Variants in RPP14 observed in about 807,000 individuals in gnomAD.
The protein encoded by RPP14 is ribonuclease P protein subunit p14.
RPP14 carries 19 observed loss-of-function variants against 17.8 expected under a neutral mutation model. The observed-to-expected ratio is 1.07, with a 90% CI of 0.74 to 1.57. RPP14 has a LOEUF of 1.57. Among genes scored for constraint, RPP14 ranks in the 40% most tolerant of loss-of-function variants. The pLI is 0.00. For missense variants in RPP14, 125 were observed against 140.8 expected, an observed-to-expected ratio of 0.89 and a Z score of 0.57; for synonymous variants, 60 against 56.4, an observed-to-expected ratio of 1.06 and a Z score of -0.29.
At position 58,317,939 on chromosome 3, in the gene RPP14, C is replaced by T. The variant is rs1404157535; in HGVS notation, c.*443C>T. ...CCAGGGCCAGGCTGTGTATTTCTTTCCCAGGAAATTAGCTTTCCAGCCCCT... is the reference window on the plus strand; with the variant it reads ...CCAGGGCCAGGCTGTGTATTTCTTTTCCAGGAAATTAGCTTTCCAGCCCCT... On this transcript the variant is annotated 3_prime_UTR_variant, in exon 6 of 6. Transcript: ENST00000295959. The T allele has an allele frequency of 1.4e-6, 1 of 702,776 alleles. No individual in the cohort carries two copies. The highest frequency in any genetic ancestry group is 1.5e-5 in the South Asian group (1 of 67,560). The allele number at this position is 702,776 out of a possible 1,614,324, so 43.5% of individuals were successfully genotyped here.
chr3:58,319,097 A>G lies in RPP14; in HGVS notation c.*1601A>G, dbSNP rs1242787428. The stretch of plus-strand genomic sequence containing the variant: ...CCATGTGGAAGCAGCTTGTCACTGT[A>G]TTTTAACTGTGTAACAATTATTGAA... On this transcript the variant is annotated 3_prime_UTR_variant, in exon 6 of 6. Transcript: ENST00000295959. The G allele has an allele frequency of 1.3e-5, 2 of 152,222 alleles. No homozygotes were observed. The highest frequency in any genetic ancestry group is 2.9e-5 in the Non-Finnish European group (2 of 68,048). 9.4% of individuals were successfully genotyped at this position (152,222 alleles called of 1,614,324 possible).
At chr3:58,312,332 G>GCACC (rs2097483111) in intron 3 of RPP14, among the ~76,000 whole-genome samples, 1 of 85,328 alleles carries the variant, frequency 1.2e-5, no homozygotes, top group Non-Finnish European at 2.4e-5. Flanking sequence ...CACAACCTCC[G>GCACC]CACCCCCCCC....
rs2097491364 is a variant in RPP14 at position 58,318,863 on chromosome 3, GT to G, written c.*1368del. 1 of 152,042 alleles carries G rather than the reference GT, an allele frequency of 6.6e-6. No individual in the cohort carries two copies. Among genetic ancestry groups the G allele is most frequent in the African/African-American group, 2.4e-5 (1 of 41,350 alleles). The allele number at this position is 152,042 out of a possible 1,614,324, so 9.4% of individuals were successfully genotyped here. A position where few individuals can be genotyped will look rare whatever the true frequency, so the allele number is the denominator to read the frequency against. ...AAAATACAAAAACTAACCGGGCATG[GT>G]GGCGGGCACCTGTAATCCCAGCTAC... On this transcript the variant is annotated 3_prime_UTR_variant, in exon 6 of 6. Coordinates refer to ENST00000295959, the MANE Select transcript of RPP14 (RefSeq NM_007042.6).
chr3:58,317,043 A>G (rs749867738), intron 5 of RPP14, 50 bp downstream of exon 5: 11 of 1,309,524 alleles, frequency 8.4e-6, no homozygotes, highest in East Asian at 4.6e-5. Context: ...TGATGGGTCA[A>G]CTGCTTCTTA....
intron 4 of RPP14, 47 bp downstream of exon 4, chr3:58,316,638 C>G (rs757797595): frequency 4.7e-6 from 7 of 1,494,262 alleles, no homozygotes; most frequent in East Asian, 2.3e-5. Flanking sequence ...GCAGAGAGAC[C>G]GATGGAGCAA....
chr3:58,317,365 T>A, intron 5 of RPP14, 75 bp from the exon 6 acceptor site: 1 of 947,016 alleles, frequency 1.1e-6, no homozygotes, highest in Non-Finnish European at 1.7e-6. Context: ...CCTGTAAAAC[T>A]GGGCATGTTT....
chr3:58,311,403 C>T (rs946391488), intron 3 of RPP14, among the ~76,000 whole-genome samples: 2 of 152,172 alleles, frequency 1.3e-5, no homozygotes. Flanking sequence ...GATCCACGCG[C>T]CTTGGGCTCC....
chr3:58,310,629 C>A lies in RPP14; in HGVS notation c.162+38C>A, dbSNP rs778610925. 7.7e-6 allele frequency: 12 copies of A among 1,550,694 alleles called. No individual in the cohort carries two copies. In the South Asian group the frequency reaches 1.4e-4, roughly 18 times the overall value. On this transcript the variant is annotated intron_variant, in intron 3 of 5. Coordinates refer to ENST00000295959, the MANE Select transcript of RPP14 (RefSeq NM_007042.6). ...TTGGTAGATTGAACATTCCAAAGATCTTTGTAAGAAATACAGAAAGAGGCC... is the reference window on the plus strand; with the variant it reads ...TTGGTAGATTGAACATTCCAAAGATATTTGTAAGAAATACAGAAAGAGGCC...
chr3:58,310,476 A>T (rs750289223), intron 2 of RPP14, 31 bp from the exon 3 acceptor site: 46 of 1,587,926 alleles, frequency 2.9e-5, no homozygotes, highest in Admixed American at 5.3e-5. Flanking sequence ...ATGAAATTTA[A>T]TATGACTTTT....
Position 58,309,864 on chromosome 3 carries a change from C to CAA in RPP14, c.-21-445_-21-444insAA, listed in dbSNP as rs1380146989. Among the ~76,000 whole-genome samples, 177 of 152,036 alleles carry CAA rather than the reference C, an allele frequency of 1.2e-3. 1 individual carries two copies. The highest frequency in any genetic ancestry group is 9.1e-3 in the Admixed American group (139 of 15,276). ...CCAAGATTGTGCCACTGCACTCCAG[C>CAA]CTGGGCGACAGAGCAAGACTCCTTC... On this transcript the variant is annotated intron_variant, in intron 1 of 5. Coordinates refer to ENST00000295959, the MANE Select transcript of RPP14 (RefSeq NM_007042.6).
chr3:58,316,167 A>C (rs2097488095), intron 3 of RPP14, among the ~76,000 whole-genome samples: 1 of 152,232 alleles, frequency 6.6e-6, no homozygotes, highest in Non-Finnish European at 1.5e-5. Context: ...TAGTAGGAAA[A>C]CATGTTGGAC....
In RPP14 at chr3:58,317,623, C is replaced by T; in HGVS notation, c.*127C>T. 1.3e-6 allele frequency: 1 copy of T among 752,466 alleles called. No individual in the cohort carries two copies. Among genetic ancestry groups the T allele is most frequent in the Non-Finnish European group, 2.3e-6 (1 of 427,258 alleles). 46.6% of individuals were successfully genotyped at this position (752,466 alleles called of 1,614,324 possible). On this transcript the variant is annotated 3_prime_UTR_variant, in exon 6 of 6. Transcript: ENST00000295959. Reference sequence around the variant, plus strand: ...TTTGAGGGTGCTGAAGATGTTCCCACTAATTTCCAGCCATCACCTTTGGTG... The same window carrying T: ...TTTGAGGGTGCTGAAGATGTTCCCATTAATTTCCAGCCATCACCTTTGGTG...
Position 58,318,277 on chromosome 3 carries a change from C to A in RPP14, c.*781C>A, listed in dbSNP as rs1330815361. On this transcript the variant is annotated 3_prime_UTR_variant, in exon 6 of 6. Coordinates refer to ENST00000295959, the MANE Select transcript of RPP14 (RefSeq NM_007042.6). ...AGAGGGTTGTTCAAATGCCCACTTTCCAGTTTGGCCTTATGCTTCATGCAG... is the reference window on the plus strand; with the variant it reads ...AGAGGGTTGTTCAAATGCCCACTTTACAGTTTGGCCTTATGCTTCATGCAG... 3.6e-6 allele frequency: 2 copies of A among 550,886 alleles called. No individual in the cohort carries two copies. The highest frequency in any genetic ancestry group is 7.2e-5 in the Admixed American group (2 of 27,832). 34.1% of individuals were successfully genotyped at this position (550,886 alleles called of 1,614,324 possible).
intron 3 of RPP14, 64 bp downstream of exon 3, chr3:58,310,655 G>A (rs933292525): frequency 2.9e-5 from 41 of 1,414,736 alleles, no homozygotes; most frequent in East Asian, 1.1e-4. Flanking sequence ...GAAAGAGGCC[G>A]GGCGCGGTAG....
At chr3:58,309,785 G>A (rs536539410) in intron 1 of RPP14, among the ~76,000 whole-genome samples, 2 of 152,102 alleles carry the variant, frequency 1.3e-5, no homozygotes, top group South Asian at 4.1e-4. Flanking sequence ...CCAGCTACTC[G>A]GGAGGCTGAG....
chr3:58,316,641 TG>T, intron 4 of RPP14, 50 bp downstream of exon 4: 1 of 1,489,216 alleles, frequency 6.7e-7, no homozygotes, highest in South Asian at 1.1e-5. Context: ...GAGAGACCGA[TG>T]GAGCAAAAAT....
Position 58,319,112 on chromosome 3 carries a change from C to G in RPP14, c.*1616C>G, listed in dbSNP as rs866692181. ...TTGTCACTGTATTTTAACTGTGTAA[C>G]AATTATTGAAGGCGAAAATAGAAGT... On this transcript the variant is annotated 3_prime_UTR_variant, in exon 6 of 6. Transcript: ENST00000295959. 2 of 152,136 alleles carry G rather than the reference C, an allele frequency of 1.3e-5. No homozygotes were observed. The highest frequency in any genetic ancestry group is 2.9e-5 in the Non-Finnish European group (2 of 68,040). 9.4% of individuals were successfully genotyped at this position (152,136 alleles called of 1,614,324 possible).
rs779842307 is a variant in RPP14 at position 58,317,398 on chromosome 3, G to A, written c.319-42G>A. 7.3e-6 allele frequency: 10 copies of A among 1,365,280 alleles called. No homozygotes were observed. In the African/African-American group the frequency reaches 1.3e-4, roughly 18 times the overall value. 84.6% of individuals were successfully genotyped at this position (1,365,280 alleles called of 1,614,324 possible). On this transcript the variant is annotated intron_variant, in intron 5 of 5. Transcript: ENST00000295959. ...TTTCCCCATTGCCCTGTGCTTCAGT[G>A]TGGTTTCTCCCAATGCCTTAACCTT... is the stretch of plus-strand genomic sequence containing the variant.
chr3:58,311,708 C>CT (rs756755418), intron 3 of RPP14, among the ~76,000 whole-genome samples: 156 of 139,128 alleles, frequency 1.1e-3, no homozygotes, highest in Admixed American at 2.4e-3. Flanking sequence ...TGCATATGTC[C>CT]TTTTTTTTTT....
Sources: gnomAD v4.1 joint callset for allele counts (sites outside exome capture counted in the v4.1 genomes callset) on GRCh38, gnomAD v4.1.1 for gene constraint, MANE v1.5 for transcripts, NCBI Gene and HGNC (gene_info 2026-07-23, HGNC 2026-07-21) for gene names.